RNLS: variants seen among roughly 807,000 people sequenced by gnomAD.
RNLS encodes renalase.
In RNLS, 39 loss-of-function variants were observed where a neutral mutation model predicts 39.8. That is an observed-to-expected ratio of 0.98 (90% CI 0.76 to 1.28). The LOEUF (loss-of-function observed/expected upper bound fraction) is 1.28, where lower values mean the gene tolerates loss of function less well. Among genes scored for constraint, RNLS ranks in the 50% most tolerant of loss-of-function variants. The pLI is 0.00. For missense variants in RNLS, 410 were observed against 413.3 expected, an observed-to-expected ratio of 0.99 and a Z score of 0.07; for synonymous variants, 147 against 150.7, an observed-to-expected ratio of 0.98 and a Z score of 0.18.
At chr10:88,479,716 C>T (rs1844039581) in intron 4 of RNLS, among the ~76,000 whole-genome samples, 1 of 151,894 alleles carries the variant, frequency 6.6e-6, no homozygotes, top group Non-Finnish European at 1.5e-5. Flanking sequence ...CTTTTATTTG[C>T]CCTTTTGAAG....
At chr10:88,420,245 GATCT>G (rs1475344212) in intron 4 of RNLS, among the ~76,000 whole-genome samples, 1 of 151,844 alleles carries the variant, frequency 6.6e-6, no homozygotes, top group East Asian at 1.9e-4. Context: ...GTAAAGACTA[GATCT>G]TTCTTTTTGG....
chr10:88,257,127 C>T, the RNLS span, among the ~76,000 whole-genome samples: 1 of 152,052 alleles, frequency 6.6e-6, no homozygotes, highest in Non-Finnish European at 1.5e-5. Flanking sequence ...TTTCCATCCT[C>T]CATCATTCCC....
At chr10:88,331,529 G>A (rs1847108806) in intron 5 of RNLS, among the ~76,000 whole-genome samples, 1 of 152,178 alleles carries the variant, frequency 6.6e-6, no homozygotes, top group South Asian at 2.1e-4. Flanking sequence ...TGAAACACAT[G>A]CAAAGTAATA....
At chr10:88,326,272 A>T (rs1251986248) in intron 5 of RNLS, among the ~76,000 whole-genome samples, 1 of 152,224 alleles carries the variant, frequency 6.6e-6, no homozygotes, top group Non-Finnish European at 1.5e-5. Context: ...GGAAGTTTGG[A>T]ACTTCCTAGA....
intron 4 of RNLS, among the ~76,000 whole-genome samples, chr10:88,372,666 G>A (rs1358732171): frequency 6.6e-6 from 1 of 152,138 alleles, no homozygotes; most frequent in Non-Finnish European, 1.5e-5. Context: ...GGCCTACTAT[G>A]CATCCAGCAC....
intron 3 of RNLS, among the ~76,000 whole-genome samples, chr10:88,574,200 C>T (rs944644400): frequency 6.6e-6 from 1 of 152,160 alleles, no homozygotes; most frequent in Non-Finnish European, 1.5e-5. Context: ...CCTTAGTAAA[C>T]TAGTACTCAC....
At chr10:88,454,446 T>C (rs191207238) in intron 4 of RNLS, among the ~76,000 whole-genome samples, 33 of 152,336 alleles carry the variant, frequency 2.2e-4, no homozygotes, top group African/African-American at 7.7e-4. Flanking sequence ...TAAGCCATGT[T>C]CTCACATCCC....
intron 4 of RNLS, among the ~76,000 whole-genome samples, chr10:88,468,098 G>A (rs1003803971): frequency 1.3e-5 from 2 of 152,162 alleles, no homozygotes; most frequent in African/African-American, 4.8e-5. Flanking sequence ...AGAACAACAG[G>A]ATGAGACTGA....
chr10:88,556,736 G>C (rs1001510056), intron 4 of RNLS, among the ~76,000 whole-genome samples: 2 of 152,054 alleles, frequency 1.3e-5, no homozygotes, highest in Non-Finnish European at 2.9e-5. Flanking sequence ...GATTCTCTTG[G>C]TTTACACTTT....
chr10:88,315,318 C>T (rs1223531369), intron 5 of RNLS, among the ~76,000 whole-genome samples: 1 of 152,126 alleles, frequency 6.6e-6, no homozygotes, highest in East Asian at 1.9e-4. Flanking sequence ...TAATGAATAT[C>T]TGCTTTGTAT....
intron 3 of RNLS, among the ~76,000 whole-genome samples, chr10:88,575,411 G>A (rs555192612): frequency 3.3e-5 from 5 of 151,378 alleles, no homozygotes; most frequent in South Asian, 2.1e-4. Context: ...ATTGAGCCTC[G>A]CAATCCATGT....
intron 4 of RNLS, among the ~76,000 whole-genome samples, chr10:88,554,712 G>T (rs1002994955): frequency 6.6e-5 from 10 of 152,016 alleles, no homozygotes; most frequent in Admixed American, 1.3e-4. Flanking sequence ...TGGGAGAACT[G>T]TCTGGTTCCC....
chr10:88,248,079 T>G, the RNLS span, among the ~76,000 whole-genome samples: 3 of 152,196 alleles, frequency 2.0e-5, no homozygotes, highest in East Asian at 5.8e-4. Context: ...AGCCACCAAG[T>G]TTTTAATAAT....
At chr10:88,422,415 T>A (rs1265902169) in intron 4 of RNLS, among the ~76,000 whole-genome samples, 1 of 152,226 alleles carries the variant, frequency 6.6e-6, no homozygotes, top group Non-Finnish European at 1.5e-5. Context: ...TAAAAATATT[T>A]CAGTATTTCC....
chr10:88,380,609 C>T (rs1368590075), intron 4 of RNLS, among the ~76,000 whole-genome samples: 1 of 151,430 alleles, frequency 6.6e-6, no homozygotes, highest in African/African-American at 2.4e-5. Context: ...TGGTCTCGAT[C>T]TCCTGACCTC....
chr10:88,514,578 T>G (rs139960165), intron 4 of RNLS, among the ~76,000 whole-genome samples: 18 of 152,244 alleles, frequency 1.2e-4, no homozygotes, highest in Non-Finnish European at 2.4e-4. Flanking sequence ...TTTCTTCCTG[T>G]CCCCAACCCT....
chr10:88,463,177 G>A (rs910144954), intron 4 of RNLS, among the ~76,000 whole-genome samples: 12 of 151,946 alleles, frequency 7.9e-5, no homozygotes, highest in African/African-American at 2.4e-5. Flanking sequence ...TTTGGAAATA[G>A]GATCATTGCA....
At chr10:88,327,620 T>G (rs1315152480) in intron 5 of RNLS, among the ~76,000 whole-genome samples, 1 of 152,218 alleles carries the variant, frequency 6.6e-6, no homozygotes, top group African/African-American at 2.4e-5. Context: ...TATAGCAGAG[T>G]GAAAATAGAC....
the RNLS span, among the ~76,000 whole-genome samples, chr10:88,173,046 G>A: frequency 6.6e-6 from 1 of 151,236 alleles, no homozygotes. Context: ...TTTTAGTAGA[G>A]ACAGGGTTTC....
Sources: gnomAD v4.1 joint callset for allele counts (sites outside exome capture counted in the v4.1 genomes callset) on GRCh38, gnomAD v4.1.1 for gene constraint, MANE v1.5 for transcripts, NCBI Gene and HGNC (gene_info 2026-07-23, HGNC 2026-07-21) for gene names.